Variants in NEK4 observed in about 807,000 individuals in gnomAD.
The protein encoded by NEK4 is serine/threonine-protein kinase Nek4.
NEK4 carries 86 observed loss-of-function variants against 98.4 expected under a neutral mutation model. That is an observed-to-expected ratio of 0.87 (90% confidence interval 0.73 to 1.05). NEK4 has a LOEUF of 1.05. NEK4 is among the 50% of genes least tolerant of loss of function. The probability of loss-of-function intolerance (pLI) is 0.00; values close to 1 mark genes in which losing one functional copy is unlikely to be tolerated. For synonymous variants in NEK4, 328 were observed against 342.2 expected, an observed-to-expected ratio of 0.96 and a Z score of 0.46; for missense variants, 898 against 950.3, an observed-to-expected ratio of 0.94 and a Z score of 0.72.
Position 52,748,102 on chromosome 3 carries a change from G to C in NEK4, c.1507-1198C>G, listed in dbSNP as rs2154104748. On this transcript the variant is annotated intron_variant, in intron 8 of 15. Coordinates refer to ENST00000233027, the MANE Select transcript of NEK4 (RefSeq NM_003157.6). Reference sequence around the variant, plus strand: ...AGCCTCCCGAGTAGCTGGGACTACAGGTGGCCGCCACCACGCCCAGCTAAT... The same window carrying C: ...AGCCTCCCGAGTAGCTGGGACTACACGTGGCCGCCACCACGCCCAGCTAAT... Among the ~76,000 whole-genome samples the C allele has an allele frequency of 3.3e-5, 5 of 151,572 alleles. No homozygotes were observed. The South Asian group carries it at 1.0e-3, about 32-fold the overall frequency.
intron 4 of NEK4, among the ~76,000 whole-genome samples, chr3:52,764,914 T>C (rs1252202622): frequency 6.6e-6 from 1 of 152,198 alleles, no homozygotes; most frequent in East Asian, 1.9e-4. Context: ...AGAATTTCAC[T>C]CCCTTCTTGT....
intron 5 of NEK4, among the ~76,000 whole-genome samples, chr3:52,763,241 T>A (rs961263249): frequency 6.6e-6 from 1 of 152,246 alleles, no homozygotes; most frequent in Non-Finnish European, 1.5e-5. Context: ...TATTCAGGTA[T>A]TAAAGAAATC....
At chr3:52,735,382 T>C (rs1392387629) in intron 15 of NEK4, among the ~76,000 whole-genome samples, 1 of 152,256 alleles carries the variant, frequency 6.6e-6, no homozygotes, top group African/African-American at 2.4e-5. Flanking sequence ...GATAAAAATA[T>C]TACTTTAAGA....
intron 12 of NEK4, 65 bp downstream of exon 12, chr3:52,743,287 G>A (rs2097389779): frequency 8.0e-7 from 1 of 1,245,646 alleles, no homozygotes; most frequent in Admixed American, 1.8e-5. Flanking sequence ...CATTTAAAAG[G>A]TTTACTGCAT....
At chr3:52,715,900 A>C (rs1369456118) in intron 15 of NEK4, among the ~76,000 whole-genome samples, 1 of 152,210 alleles carries the variant, frequency 6.6e-6, no homozygotes, top group Non-Finnish European at 1.5e-5. Flanking sequence ...AGGAGCCCAG[A>C]CCTGGGAGCT....
intron 12 of NEK4, among the ~76,000 whole-genome samples, chr3:52,742,574 G>T (rs1033669348): frequency 6.6e-6 from 1 of 152,150 alleles, no homozygotes; most frequent in Non-Finnish European, 1.5e-5. Flanking sequence ...ACATGGGTTA[G>T]AAACCTAGTA....
chr3:52,753,314 GAAGT>G (rs2097408878), intron 6 of NEK4, among the ~76,000 whole-genome samples: 3 of 152,058 alleles, frequency 2.0e-5, no homozygotes, highest in Admixed American at 6.6e-5. Flanking sequence ...GAAAAGAAAA[GAAGT>G]AAGCCAGGAC....
intron 11 of NEK4, 42 bp from the exon 12 acceptor site, chr3:52,743,503 GC>G: frequency 6.6e-7 from 1 of 1,508,132 alleles, no homozygotes; most frequent in South Asian, 1.1e-5. Context: ...GTGGTGGGCT[GC>G]CCCAGTTGAA....
At chr3:52,759,942 T>C (rs1368097582) in intron 6 of NEK4, among the ~76,000 whole-genome samples, 1 of 150,600 alleles carries the variant, frequency 6.6e-6, no homozygotes, top group Non-Finnish European at 1.5e-5. Flanking sequence ...CTTGAAAATA[T>C]GCTATGTGGA....
chr3:52,769,913 T>G (rs1456347458), intron 1 of NEK4, among the ~76,000 whole-genome samples: 1 of 152,052 alleles, frequency 6.6e-6, no homozygotes, highest in Admixed American at 6.5e-5. Flanking sequence ...GAGGCTGCAG[T>G]GAAAGTGATG....
At chr3:52,767,947 T>C (rs535445070) in intron 2 of NEK4, among the ~76,000 whole-genome samples, 1 of 152,322 alleles carries the variant, frequency 6.6e-6, no homozygotes, top group Non-Finnish European at 1.5e-5. Context: ...TCCCATCTAC[T>C]GTACCCCAGC....
At chr3:52,763,234 T>G (rs1460325217) in intron 5 of NEK4, among the ~76,000 whole-genome samples, 1 of 152,224 alleles carries the variant, frequency 6.6e-6, no homozygotes, top group African/African-American at 2.4e-5. Flanking sequence ...TAAAACTTAT[T>G]CAGGTATTAA....
Position 52,732,528 on chromosome 3 carries a change from T to C in NEK4, c.2433+5058A>G, listed in dbSNP as rs572624198. ...ATTTCTTATGAGTCAGGCTGTGTGA[T>C]GAAGAAGCCCAGAAGAGAAAGAAGC... On this transcript the variant is annotated intron_variant, in intron 15 of 15. Coordinates refer to ENST00000233027, the MANE Select transcript of NEK4 (RefSeq NM_003157.6). The C allele has an allele frequency of 4.3e-5, 10 of 229,928 alleles. No homozygotes were observed. The East Asian group carries it at 1.1e-3, about 26-fold the overall frequency. The allele number at this position is 229,928 out of a possible 1,614,324, so 14.2% of individuals were successfully genotyped here.
Position 52,739,627 on chromosome 3 carries a change from GACCTTT to G in NEK4, c.2095_2100del (p.Lys699_Gly700del). On this transcript the variant is annotated inframe_deletion and splice_region_variant, in exon 14 of 16. Coordinates refer to ENST00000233027, the MANE Select transcript of NEK4 (RefSeq NM_003157.6). ...ACCAAGGCATTAATTTCATTTGTCT[GACCTTT>G]CCTGGGGGAAAAAAATATCCCTTTG... 6.2e-7 allele frequency: 1 copy of G among 1,612,356 alleles called. No homozygotes were observed. Among genetic ancestry groups the G allele is most frequent in the Non-Finnish European group, 8.5e-7 (1 of 1,178,686 alleles).
rs2097383198 is a variant in NEK4 at position 52,740,090 on chromosome 3, G to A, written c.2094-456C>T. ...AACTATACTCAAGTACAAAGCTCAA[G>A]AATATTTAAAGAAACACAAAATACC... On this transcript the variant is annotated intron_variant, in intron 13 of 15. Coordinates refer to ENST00000233027, the MANE Select transcript of NEK4 (RefSeq NM_003157.6). Among the ~76,000 whole-genome samples, 2 of 152,092 alleles carry A rather than the reference G, an allele frequency of 1.3e-5. 1 individual carries two copies. The highest frequency in any genetic ancestry group is 4.1e-4 in the South Asian group (2 of 4,834).
chr3:52,754,403 A>C, intron 6 of NEK4: 1 of 489,176 alleles, frequency 2.0e-6, no homozygotes, highest in Admixed American at 2.5e-5. Context: ...AAGCCCCCTA[A>C]ACCCAGAGGC....
intron 6 of NEK4, among the ~76,000 whole-genome samples, chr3:52,755,065 C>T (rs2097412552): frequency 7.2e-6 from 1 of 138,994 alleles, no homozygotes; most frequent in African/African-American, 2.7e-5. Context: ...CAGAGCAAGA[C>T]TCCGTCTCAA....
Position 52,766,358 on chromosome 3 carries a change from G to A in NEK4, c.378C>T (p.His126=). Residue 126 remains histidine (H), a synonymous_variant, in exon 3 of 16, where the codon CAC becomes CAT. Transcript: ENST00000233027. ...AMALQYLHEK[H]ILHRDLKTQN... is the part of the protein sequence containing the mutation. ...GAGTTTTCAGATCTCGATGAAGGATGTGTTTTTCATGTAAATACTGAGGAA... is the reference window on the plus strand; with the variant it reads ...GAGTTTTCAGATCTCGATGAAGGATATGTTTTTCATGTAAATACTGAGGAA... The A allele has an allele frequency of 1.2e-6, 2 of 1,612,364 alleles. No individual in the cohort carries two copies. Among genetic ancestry groups the A allele is most frequent in the South Asian group, 1.1e-5 (1 of 91,048 alleles).
rs778169946 is a variant in NEK4 at position 52,739,423 on chromosome 3, G to C, written c.2299+6C>G. Reference sequence around the variant, plus strand: ...AAAAAACAAAAAATAATAATAAGCTGATCACCTGAAGGTAGCTCTTTAAAA... The same window carrying C: ...AAAAAACAAAAAATAATAATAAGCTCATCACCTGAAGGTAGCTCTTTAAAA... On this transcript the variant is annotated splice_donor_region_variant and intron_variant, in intron 14 of 15. Coordinates refer to ENST00000233027, the MANE Select transcript of NEK4 (RefSeq NM_003157.6). The C allele has an allele frequency of 5.6e-6, 9 of 1,611,236 alleles. No homozygotes were observed. In the South Asian group the frequency reaches 7.7e-5, roughly 14 times the overall value.
Sources: allele counts gnomAD v4.1 joint callset (sites outside exome capture counted in the v4.1 genomes callset), GRCh38; gene constraint gnomAD v4.1.1; transcripts MANE v1.5; gene names NCBI Gene and HGNC (gene_info 2026-07-23, HGNC 2026-07-21).